Variants in SLC35A1 observed in about 807,000 individuals in gnomAD.
SLC35A1 encodes CMP-sialic acid transporter.
Under a neutral mutation model 40.3 loss-of-function variants are expected in SLC35A1, and 21 were observed. The observed-to-expected ratio is 0.52, with a 90% CI of 0.37 to 0.75. SLC35A1 has a LOEUF of 0.75. SLC35A1 is among the 30% of genes least tolerant of loss of function. SLC35A1 has a pLI of 0.00. For missense variants in SLC35A1, 297 were observed against 382.1 expected (o/e 0.78, Z 1.86); for synonymous variants, 146 against 147.3 (o/e 0.99, Z 0.06).
chr6:87,503,418 A>G (rs1769980214), intron 4 of SLC35A1, among the ~76,000 whole-genome samples: 1 of 152,210 alleles, frequency 6.6e-6, no homozygotes. Context: ...GCATTCACAC[A>G]CTTACGGATT....
chr6:87,477,166 G>GGTGTGTGTGT (rs71018020), intron 1 of SLC35A1, among the ~76,000 whole-genome samples, 196 bp from the exon 2 acceptor site: 3,288 of 149,844 alleles, frequency 0.022, 117 homozygotes, highest in African/African-American at 0.076. Flanking sequence ...AGTCAGCTGT[G>GGTGTGTGTGT]GTGTGTGTGT....
rs1471115175 is a variant in SLC35A1 at position 87,508,548 on chromosome 6, G to C, written c.703G>C (p.Glu235Gln). 6.2e-7 allele frequency: 1 copy of C among 1,612,994 alleles called. No individual in the cohort carries two copies. The highest frequency in any genetic ancestry group is 1.1e-5 in the South Asian group (1 of 90,992). Residue 235 changes from glutamate (E) to glutamine (Q), a missense_variant, in exon 6 of 8, where the codon GAA becomes CAA. Physicochemically the swap from Glu to Gln is conservative, Grantham distance 29. Transcript: ENST00000369552. ...CTTGTCAGATGGAGCTGAAATTAAA[G>C]AAAAAGGATTTTTCTATGGTTACAC... ...VYLSDGAEIK[E>Q]KGFFYGYTYY...
chr6:87,478,541 A>G (rs767609925), intron 2 of SLC35A1, among the ~76,000 whole-genome samples: 2 of 152,164 alleles, frequency 1.3e-5, no homozygotes, highest in Non-Finnish European at 2.9e-5. Context: ...CAGACATTAC[A>G]TTTAAATATT....
rs1406450167 is a variant in SLC35A1 at position 87,506,438 on chromosome 6, A to C, written c.564A>C (p.Ser188=). 6.2e-7 allele frequency: 1 copy of C among 1,613,402 alleles called. No homozygotes were observed. Among genetic ancestry groups the C allele is most frequent in the African/African-American group, 1.3e-5 (1 of 74,934 alleles). ...CTATAGCTATTGCTGTATTGTGCTC[A>C]GGATTTGCAGGTAAATCATGAAAGC... The part of the protein sequence containing the change: ...FGAIAIAVLC[S]GFAGVYFEKV... Residue 188 remains serine, a synonymous_variant, in exon 5 of 8, where the codon TCA becomes TCC. Coordinates refer to ENST00000369552, the MANE Select transcript of SLC35A1 (RefSeq NM_006416.5).
At chr6:87,496,932 G>A (rs566030013) in intron 2 of SLC35A1, among the ~76,000 whole-genome samples, 5 of 152,120 alleles carry the variant, frequency 3.3e-5, no homozygotes, top group Non-Finnish European at 7.4e-5. Flanking sequence ...ATGATTACTA[G>A]TGTTTTCTAG....
chr6:87,510,871 CA>C (rs201786030), intron 7 of SLC35A1, among the ~76,000 whole-genome samples: 116 of 126,932 alleles, frequency 9.1e-4, no homozygotes, highest in Middle Eastern at 4.2e-3. Context: ...AACTCCGTCT[CA>C]AAAAAAAAAA....
chr6:87,498,407 C>A (rs1769807529), intron 2 of SLC35A1, among the ~76,000 whole-genome samples: 2 of 152,130 alleles, frequency 1.3e-5, no homozygotes, highest in South Asian at 2.1e-4. Flanking sequence ...ACATTTTAAT[C>A]TCTTTTTCTC....
intron 1 of SLC35A1, 41 bp downstream of exon 1, chr6:87,473,060 G>T (rs767293711): frequency 8.3e-6 from 4 of 481,458 alleles, no homozygotes; most frequent in Admixed American, 8.7e-5. Flanking sequence ...TCCGCGGGGG[G>T]CGGCGGCGGG....
intron 2 of SLC35A1, among the ~76,000 whole-genome samples, chr6:87,484,222 A>G (rs1439603490): frequency 6.6e-6 from 1 of 152,122 alleles, no homozygotes; most frequent in Admixed American, 6.5e-5. Flanking sequence ...CTCACCCCTG[A>G]GGACGCCACA....
chr6:87,473,556 A>G (rs144802065), intron 1 of SLC35A1, among the ~76,000 whole-genome samples: 2 of 152,248 alleles, frequency 1.3e-5, no homozygotes, highest in Non-Finnish European at 2.9e-5. Flanking sequence ...AACGAAAGGA[A>G]GATAACAGTC....
At chr6:87,506,705 CA>C (rs1770092503) in intron 5 of SLC35A1, among the ~76,000 whole-genome samples, 1 of 152,040 alleles carries the variant, frequency 6.6e-6, no homozygotes, top group African/African-American at 2.4e-5. Flanking sequence ...GCCAAAAACC[CA>C]AAAGTAAATG....
At chr6:87,480,862 G>A (rs1769223681) in intron 2 of SLC35A1, among the ~76,000 whole-genome samples, 1 of 152,006 alleles carries the variant, frequency 6.6e-6, no homozygotes, top group Non-Finnish European at 1.5e-5. Flanking sequence ...TGCTTGACTC[G>A]GGTGTGATGT....
At chr6:87,481,374 G>A (rs1769237850) in intron 2 of SLC35A1, among the ~76,000 whole-genome samples, 2 of 150,358 alleles carry the variant, frequency 1.3e-5, no homozygotes, top group Non-Finnish European at 2.9e-5. Context: ...CCGAGATCGC[G>A]CCATTGCACT....
chr6:87,499,684 C>T (rs1177262441), intron 2 of SLC35A1, among the ~76,000 whole-genome samples: 2 of 152,144 alleles, frequency 1.3e-5, no homozygotes, highest in Non-Finnish European at 1.5e-5. Flanking sequence ...AATATTCTTA[C>T]ATAAGGATTT....
intron 2 of SLC35A1, among the ~76,000 whole-genome samples, chr6:87,479,931 T>A (rs969810595): frequency 2.6e-5 from 4 of 152,340 alleles, no homozygotes; most frequent in Admixed American, 2.6e-4. Flanking sequence ...CTTCTCTCAC[T>A]TTATGATGTC....
chr6:87,495,686 A>C (rs1769705366), intron 2 of SLC35A1, among the ~76,000 whole-genome samples: 2 of 149,308 alleles, frequency 1.3e-5, no homozygotes, highest in African/African-American at 5.0e-5. Context: ...GACAGAGTCT[A>C]GCTCTGTCGC....
chr6:87,499,287 A>G (rs1174907286), intron 2 of SLC35A1: 1 of 174,378 alleles, frequency 5.7e-6, no homozygotes, highest in East Asian at 1.9e-4. Context: ...TTAACCAAAA[A>G]TACAGAATCT....
At chr6:87,497,276 CA>C (rs1337583319) in intron 2 of SLC35A1, among the ~76,000 whole-genome samples, 1 of 151,670 alleles carries the variant, frequency 6.6e-6, no homozygotes, top group East Asian at 1.9e-4. Context: ...TTGCACTTTC[CA>C]GCAATTAACA....
chr6:87,493,280 C>T (rs756610331), intron 2 of SLC35A1, among the ~76,000 whole-genome samples: 4 of 152,120 alleles, frequency 2.6e-5, no homozygotes, highest in Non-Finnish European at 4.4e-5. Context: ...CCTGCCCCAA[C>T]CCTGAAATCA....
Sources: allele counts gnomAD v4.1 joint callset (sites outside exome capture counted in the v4.1 genomes callset), GRCh38; gene constraint gnomAD v4.1.1; transcripts MANE v1.5; gene names NCBI Gene and HGNC (gene_info 2026-07-23, HGNC 2026-07-21).